TFCP2: variants seen among roughly 807,000 people sequenced by gnomAD.
TFCP2 encodes the protein transcription factor CP2, also known as alpha-globin transcription factor CP2.
Under a neutral mutation model 73.4 loss-of-function variants are expected in TFCP2, and 33 were observed. The ratio of observed to expected loss-of-function variants is 0.45; its 90% CI spans 0.34 to 0.60. The LOEUF (loss-of-function observed/expected upper bound fraction) is 0.60, where lower values mean the gene tolerates loss of function less well. Ranked by LOEUF, TFCP2 falls within the 20% of genes least tolerant of loss-of-function variation. TFCP2 has a pLI of 0.01. For synonymous variants in TFCP2, 193 were observed against 211.6 expected, an observed-to-expected ratio of 0.91 and a Z score of 0.76; for missense variants, 352 against 604.0, an observed-to-expected ratio of 0.58 and a Z score of 4.37.
At chr12:51,156,595 T>G (rs2137036413) in intron 1 of TFCP2, among the ~76,000 whole-genome samples, 1 of 152,256 alleles carries the variant, frequency 6.6e-6, no homozygotes, top group East Asian at 1.9e-4. Flanking sequence ...GAGTGTTCTT[T>G]CCTCTTCAAT....
chr12:51,103,573 A>G (rs1940160019), intron 10 of TFCP2, 97 bp downstream of exon 10: 2 of 816,540 alleles, frequency 2.4e-6, no homozygotes, highest in Admixed American at 2.5e-5. Flanking sequence ...TCTCTCATAC[A>G]CATATACACA....
chr12:51,124,727 G>A, intron 1 of TFCP2: 2 of 701,500 alleles, frequency 2.9e-6, no homozygotes, highest in Non-Finnish European at 5.3e-6. Flanking sequence ...TTGCCTTGGA[G>A]TCGCCCTCAG....
At chr12:51,140,445 C>CTTTTTTTTTT (rs768526922) in intron 1 of TFCP2, among the ~76,000 whole-genome samples, 66 of 88,032 alleles carry the variant, frequency 7.5e-4, no homozygotes, top group East Asian at 1.8e-3. Flanking sequence ...TTTTCTTTTT[C>CTTTTTTTTTT]TTTTTTTTTT....
intron 1 of TFCP2, among the ~76,000 whole-genome samples, chr12:51,147,573 G>A (rs1941326227): frequency 6.6e-6 from 1 of 152,070 alleles, no homozygotes; most frequent in South Asian, 2.1e-4. Flanking sequence ...GGAAGGCTGG[G>A]ATAACTGGCA....
chr12:51,142,003 G>C (rs1169698774), intron 1 of TFCP2, among the ~76,000 whole-genome samples: 1 of 151,212 alleles, frequency 6.6e-6, no homozygotes, highest in Non-Finnish European at 1.5e-5. Flanking sequence ...AGGAGTTTGA[G>C]ACCAGCCTGA....
chr12:51,103,597 T>C (rs1940160706), intron 10 of TFCP2, 73 bp downstream of exon 10: 1 of 1,141,334 alleles, frequency 8.8e-7, no homozygotes. Context: ...AACTCTCCCA[T>C]GGATACCAGG....
intron 1 of TFCP2, among the ~76,000 whole-genome samples, chr12:51,126,037 T>A (rs1442420288): frequency 1.3e-5 from 2 of 152,192 alleles, no homozygotes; most frequent in African/African-American, 4.8e-5. Context: ...GAGACCATCC[T>A]GGCTAACATG....
intron 1 of TFCP2, among the ~76,000 whole-genome samples, chr12:51,157,589 C>T (rs1231962514): frequency 6.6e-6 from 1 of 152,000 alleles, no homozygotes; most frequent in African/African-American, 2.4e-5. Flanking sequence ...CTGCCATGCC[C>T]AGCCTACCCT....
intron 1 of TFCP2, chr12:51,124,906 A>C: frequency 2.1e-6 from 2 of 947,524 alleles, no homozygotes; most frequent in Non-Finnish European, 1.7e-6. Context: ...AGATATGTCA[A>C]GGACACGTCG....
intron 1 of TFCP2, among the ~76,000 whole-genome samples, chr12:51,150,415 C>G (rs931761914): frequency 6.7e-6 from 1 of 150,334 alleles, no homozygotes; most frequent in Non-Finnish European, 1.5e-5. Context: ...GAGCCTCCAT[C>G]TCGAAAAAAA....
intron 1 of TFCP2, among the ~76,000 whole-genome samples, chr12:51,138,732 G>T (rs918356428): frequency 6.6e-6 from 1 of 152,016 alleles, no homozygotes; most frequent in African/African-American, 2.4e-5. Context: ...TCCGCCTCCC[G>T]GGTCCAAGCG....
chr12:51,138,966 TTTC>T (rs968227041), intron 1 of TFCP2, among the ~76,000 whole-genome samples: 2 of 152,176 alleles, frequency 1.3e-5, no homozygotes, highest in African/African-American at 4.8e-5. Context: ...AGGAAGGCCT[TTTC>T]TTCTAAAATG....
At chr12:51,150,852 G>A (rs1941407349) in intron 1 of TFCP2, among the ~76,000 whole-genome samples, 2 of 152,096 alleles carry the variant, frequency 1.3e-5, no homozygotes, top group Admixed American at 1.3e-4. Flanking sequence ...TACTTATTAG[G>A]CACTATTCTA....
intron 1 of TFCP2, among the ~76,000 whole-genome samples, chr12:51,122,566 C>A (rs1379935767): frequency 6.6e-6 from 1 of 151,976 alleles, no homozygotes; most frequent in Admixed American, 6.6e-5. Flanking sequence ...GCCTATGAAA[C>A]AATTTTCTAA....
chr12:51,136,889 G>C (rs181016998), intron 1 of TFCP2, among the ~76,000 whole-genome samples: 1 of 152,154 alleles, frequency 6.6e-6, no homozygotes, highest in Non-Finnish European at 1.5e-5. Context: ...AGGTTGCAGT[G>C]AGCTGACACT....
Position 51,118,739 on chromosome 12 carries a change from T to C in TFCP2, c.156A>G (p.Glu52=), listed in dbSNP as rs138188008. The C allele has an allele frequency of 3.8e-5, 62 of 1,614,204 alleles. No homozygotes were observed. The East Asian group carries it at 1.4e-3, about 36-fold the overall frequency. The change falls in exon 2 of 15, where the codon GAA becomes GAG. Residue 52 remains glutamate, a synonymous_variant. Transcript: ENST00000257915. The part of the protein sequence containing the change: ...DVLALPIFKQ[E]ESSLPPDNEN... Reference sequence around the variant, plus strand: ...CATTATCAGGAGGCAAACTCGACTCTTCTTGCTTAAAAATGGGCAATGCAA... The same window carrying C: ...CATTATCAGGAGGCAAACTCGACTCCTCTTGCTTAAAAATGGGCAATGCAA...
chr12:51,124,852 C>T (rs756754388), intron 1 of TFCP2: 161 of 1,295,826 alleles, frequency 1.2e-4, no homozygotes, highest in Non-Finnish European at 1.7e-4. Context: ...TGCTGAGCCA[C>T]CTGTTTGGCT....
At chr12:51,112,866 C>CAAAA (rs11362530) in intron 4 of TFCP2, among the ~76,000 whole-genome samples, 1 of 111,582 alleles carries the variant, frequency 9.0e-6, no homozygotes. Flanking sequence ...GACTCTGTCT[C>CAAAA]AAAAAAAAAA....
chr12:51,135,438 A>C (rs911913293), intron 1 of TFCP2, among the ~76,000 whole-genome samples: 6 of 141,806 alleles, frequency 4.2e-5, no homozygotes, highest in Non-Finnish European at 1.5e-5. Flanking sequence ...CACACACACA[A>C]AAAAAACAAC....
Sources: gnomAD v4.1 joint callset for allele counts (sites outside exome capture counted in the v4.1 genomes callset) on GRCh38, gnomAD v4.1.1 for gene constraint, MANE v1.5 for transcripts, NCBI Gene and HGNC (gene_info 2026-07-23, HGNC 2026-07-21) for gene names.